The following LIX1 variants were observed in gnomAD, a reference collection of about 807,000 sequenced individuals.
LIX1 encodes the protein protein limb expression 1 homolog.
Under a neutral mutation model 33.4 loss-of-function variants are expected in LIX1, and 24 were observed. The observed-to-expected ratio is 0.72, with a 90% CI of 0.52 to 1.01. The LOEUF is 1.01. Ranked by LOEUF, LIX1 falls within the 50% of genes least tolerant of loss-of-function variation. The pLI is 0.00. For synonymous variants in LIX1, 124 were observed against 124.0 expected (o/e 1.00, Z 0.00); for missense variants, 311 against 339.2 (o/e 0.92, Z 0.65).
chr5:97,096,854 T>TCC lies in LIX1; in HGVS notation c.515_516dup (p.Asn173GlyfsTer5). 6.2e-7 allele frequency: 1 copy of TCC among 1,614,046 alleles called. No individual in the cohort carries two copies. Among genetic ancestry groups the TCC allele is most frequent in the Non-Finnish European group, 8.5e-7 (1 of 1,179,902 alleles). On this transcript the variant is annotated frameshift_variant, in exon 5 of 6. Coordinates refer to ENST00000274382, the MANE Select transcript of LIX1 (RefSeq NM_153234.5). LOFTEE classifies it high-confidence loss of function. The stretch of plus-strand genomic sequence containing the variant: ...TCACGAAGGGCTTTTAGGCTTCCAT[T>TCC]CCAGTGCAATAGTTGGAAAATGGTC...
At chr5:97,139,831 G>C (rs1748247150) in intron 1 of LIX1, among the ~76,000 whole-genome samples, 5 of 152,090 alleles carry the variant, frequency 3.3e-5, no homozygotes, top group African/African-American at 1.2e-4. Context: ...TTCTAGAAGA[G>C]AAAATAAAAA....
At chr5:97,113,175 G>A (rs1286141701) in intron 2 of LIX1, among the ~76,000 whole-genome samples, 2 of 152,176 alleles carry the variant, frequency 1.3e-5, no homozygotes, top group Non-Finnish European at 2.9e-5. Context: ...TCTGCCAGCA[G>A]CCATCTGAGT....
At chr5:97,110,175 T>C (rs1747304083) in intron 2 of LIX1, among the ~76,000 whole-genome samples, 1 of 152,232 alleles carries the variant, frequency 6.6e-6, no homozygotes, top group Non-Finnish European at 1.5e-5. Context: ...TTTTGTATAT[T>C]ACTTGAGCAT....
At chr5:97,114,976 C>A (rs1459578048) in intron 2 of LIX1, among the ~76,000 whole-genome samples, 2 of 152,194 alleles carry the variant, frequency 1.3e-5, no homozygotes, top group Non-Finnish European at 1.5e-5. Context: ...AGGAAAGTAG[C>A]ATTCAGGTTT....
At chr5:97,125,853 GT>G (rs1415322928) in intron 1 of LIX1, among the ~76,000 whole-genome samples, 1 of 152,224 alleles carries the variant, frequency 6.6e-6, no homozygotes, top group African/African-American at 2.4e-5. Flanking sequence ...AATGTTGAAA[GT>G]TTCCTGTTTT....
chr5:97,129,060 C>G (rs1284098175), intron 1 of LIX1, among the ~76,000 whole-genome samples: 1 of 152,148 alleles, frequency 6.6e-6, no homozygotes, highest in African/African-American at 2.4e-5. Context: ...TCACTATTCT[C>G]TCTTGTCCTA....
intron 5 of LIX1, among the ~76,000 whole-genome samples, chr5:97,095,355 T>A (rs1358731061): frequency 3.3e-5 from 5 of 152,220 alleles, no homozygotes; most frequent in Non-Finnish European, 5.9e-5. Context: ...ACAATTGGTG[T>A]GAATATGACC....
At chr5:97,135,988 C>T (rs935646781) in intron 1 of LIX1, among the ~76,000 whole-genome samples, 1 of 152,152 alleles carries the variant, frequency 6.6e-6, no homozygotes, top group African/African-American at 2.4e-5. Flanking sequence ...CATCTTCCTT[C>T]CCTGGAAACA....
intron 4 of LIX1, among the ~76,000 whole-genome samples, chr5:97,098,553 T>G (rs1328358626): frequency 6.6e-6 from 1 of 152,200 alleles, no homozygotes; most frequent in East Asian, 1.9e-4. Flanking sequence ...AAAATAGTTA[T>G]GAAAACTTAA....
In LIX1 at chr5:97,111,146, C is replaced by T. The variant is rs149345992; in HGVS notation, c.247-3646G>A. On this transcript the variant is annotated intron_variant, in intron 2 of 5. Transcript: ENST00000274382. ...CTGTTTGCTAATGCTCTGCTCCCAC[C>T]GTCTCCTGGCTGTGAGCTCCCTAAA... Among the ~76,000 whole-genome samples the T allele has an allele frequency of 2.2e-3, 341 of 152,236 alleles. 2 individuals carry two copies. The highest frequency in any genetic ancestry group is 0.013 in the East Asian group (66 of 5,174).
rs1322838078 is a variant in LIX1, at chr5:97,093,750, C to T, written c.*998G>A. The T allele has an allele frequency of 6.6e-6, 1 of 151,480 alleles. No homozygotes were observed. The highest frequency in any genetic ancestry group is 6.6e-5 in the Admixed American group (1 of 15,160). 9.4% of individuals were successfully genotyped at this position (151,480 alleles called of 1,614,324 possible). A position where few individuals can be genotyped will look rare whatever the true frequency, so the allele number is the denominator to read the frequency against. ...TTAAAGAAGATTCCAGTGACTTAAA[C>T]TTAATAATGATACTACATTTGAGCT... On this transcript the variant is annotated 3_prime_UTR_variant, in exon 6 of 6. Coordinates refer to ENST00000274382, the MANE Select transcript of LIX1 (RefSeq NM_153234.5).
intron 2 of LIX1, among the ~76,000 whole-genome samples, chr5:97,122,079 C>T (rs1004657517): frequency 6.6e-6 from 1 of 152,132 alleles, no homozygotes; most frequent in African/African-American, 2.4e-5. Flanking sequence ...TGTTCTGAGG[C>T]TTCTATACCC....
chr5:97,123,455 A>G (rs1397983964), intron 2 of LIX1, among the ~76,000 whole-genome samples: 2 of 152,198 alleles, frequency 1.3e-5, no homozygotes, highest in Non-Finnish European at 2.9e-5. Context: ...GCATGAAAGT[A>G]TCTTCCCAAC....
intron 1 of LIX1, among the ~76,000 whole-genome samples, chr5:97,141,788 G>A (rs1025922165): frequency 2.6e-5 from 4 of 152,172 alleles, no homozygotes; most frequent in African/African-American, 9.7e-5. Context: ...AATCAAATTG[G>A]TTCCAGAAAC....
intron 2 of LIX1, among the ~76,000 whole-genome samples, chr5:97,107,927 C>CAAATT (rs1747145772): frequency 6.6e-6 from 1 of 152,136 alleles, no homozygotes; most frequent in South Asian, 2.1e-4. Context: ...ATTAAGAACA[C>CAAATT]AAATTCTAGA....
At position 97,105,266 on chromosome 5, in the gene LIX1, T is replaced by C. The variant is rs1746953669; in HGVS notation, c.407A>G (p.Asp136Gly). The C allele has an allele frequency of 9.9e-6, 16 of 1,614,048 alleles. No individual in the cohort carries two copies. The highest frequency in any genetic ancestry group is 1.4e-5 in the Non-Finnish European group (16 of 1,179,924). The stretch of plus-strand genomic sequence containing the variant: ...GGCCCCAACACTGGTGCTGGGGTCA[T>C]CTGCATCATCTAAGGTGCCCTTGGG... The part of the protein sequence containing the change: ...ASTSGTLDDA[D>G]DPSTSVGAYH... Residue 136 changes from aspartate to glycine, a missense_variant, in exon 4 of 6, where the codon GAT becomes GGT. Asp to Gly is a moderately conservative substitution (Grantham distance 94). Transcript: ENST00000274382.
chr5:97,105,779 T>C (rs1275643062), intron 3 of LIX1, among the ~76,000 whole-genome samples: 3 of 152,228 alleles, frequency 2.0e-5, no homozygotes, highest in Non-Finnish European at 4.4e-5. Context: ...TCATGGTTTA[T>C]ATTTTTTCAG....
Position 97,112,630 on chromosome 5 carries a change from C to G in LIX1, c.247-5130G>C, listed in dbSNP as rs145072239. On this transcript the variant is annotated intron_variant, in intron 2 of 5. Transcript: ENST00000274382. ...CTGGGATATTTAAGTCAAGATTTTA[C>G]TAAAGTCAGCTGTGAATTTCTCAGG... Among the ~76,000 whole-genome samples the G allele has an allele frequency of 3.4e-3, 515 of 152,258 alleles. 12 individuals are homozygous for G. The highest frequency in any genetic ancestry group is 0.03 in the Admixed American group (454 of 15,288).
rs1461239839 is a variant in LIX1 at position 97,094,842 on chromosome 5, A to C, written c.755T>G (p.Leu252Trp). The C allele has an allele frequency of 1.9e-6, 3 of 1,613,924 alleles. No individual in the cohort carries two copies. The highest frequency in any genetic ancestry group is 2.2e-5 in the South Asian group (2 of 91,086). Residue 252 changes from leucine to tryptophan, a missense_variant, in exon 6 of 6, where the codon TTG becomes TGG. Physicochemically the swap from Leu to Trp is moderately conservative, Grantham distance 61. Coordinates refer to ENST00000274382, the MANE Select transcript of LIX1 (RefSeq NM_153234.5). ...GCAGATCTGAGTCAGGGCTAAGCTC[A>C]ATATTTCTTTCTTTTCTTTGTAAAA... ...LRFYKEKKEI[L>W]SLALTQICSD...
Sources: allele counts gnomAD v4.1 joint callset (sites outside exome capture counted in the v4.1 genomes callset), GRCh38; gene constraint gnomAD v4.1.1; transcripts MANE v1.5; gene names NCBI Gene and HGNC (gene_info 2026-07-23, HGNC 2026-07-21).